Variants in TMEM117 observed in about 807,000 individuals in gnomAD.
TMEM117 encodes transmembrane protein 117.
A neutral mutation model predicts 52.4 loss-of-function variants in TMEM117; 27 were observed. That is an observed-to-expected ratio of 0.51 (90% CI 0.38 to 0.71). The LOEUF (loss-of-function observed/expected upper bound fraction) is 0.71, where lower values mean the gene tolerates loss of function less well. Ranked by LOEUF, TMEM117 falls within the 30% of genes least tolerant of loss-of-function variation. The pLI is 0.00. For missense variants in TMEM117, 556 were observed against 630.5 expected (o/e 0.88, Z 1.26); for synonymous variants, 215 against 206.3 (o/e 1.04, Z -0.36).
At chr12:43,804,657 C>A in the TMEM117 span, 1 of 923,538 alleles carries the variant, frequency 1.1e-6, no homozygotes, top group Non-Finnish European at 1.6e-6. Context: ...AATTAGAATA[C>A]AAAGAAAAAA....
At chr12:44,184,271 G>T (rs1267417266) in intron 4 of TMEM117, among the ~76,000 whole-genome samples, 2 of 152,148 alleles carry the variant, frequency 1.3e-5, no homozygotes, top group Non-Finnish European at 2.9e-5. Flanking sequence ...ACTTGAACCT[G>T]GGAGATGGAG....
At chr12:43,965,904 C>T (rs969289139) in intron 3 of TMEM117, among the ~76,000 whole-genome samples, 10 of 152,154 alleles carry the variant, frequency 6.6e-5, no homozygotes, top group Non-Finnish European at 5.9e-5. Context: ...CCCACTCCAT[C>T]TCTCCACCTG....
chr12:44,142,725 A>G (rs554749270), intron 3 of TMEM117, among the ~76,000 whole-genome samples: 36 of 152,234 alleles, frequency 2.4e-4, no homozygotes, highest in Non-Finnish European at 4.3e-4. Flanking sequence ...GGAGAGAGAA[A>G]TTTGTCACCT....
At chr12:44,059,011 A>G (rs2137948533) in intron 3 of TMEM117, among the ~76,000 whole-genome samples, 1 of 152,334 alleles carries the variant, frequency 6.6e-6, no homozygotes, top group East Asian at 1.9e-4. Context: ...ACCTTAGATC[A>G]TCAGGCATTA....
At chr12:44,289,458 G>T (rs1950675695) in intron 5 of TMEM117, among the ~76,000 whole-genome samples, 1 of 151,398 alleles carries the variant, frequency 6.6e-6, no homozygotes, top group South Asian at 2.1e-4. Flanking sequence ...ATTTTTTGAA[G>T]AACCTCCTTA....
intron 5 of TMEM117, among the ~76,000 whole-genome samples, chr12:44,224,105 C>T (rs7311714): frequency 0.11 from 16,123 of 152,106 alleles, 943 homozygotes; most frequent in Middle Eastern, 0.2. Flanking sequence ...TCATTCTCAT[C>T]CCATGTTTAC....
intron 3 of TMEM117, among the ~76,000 whole-genome samples, chr12:44,021,742 A>G (rs952831191): frequency 6.6e-6 from 1 of 152,148 alleles, no homozygotes; most frequent in African/African-American, 2.4e-5. Context: ...TGAATGCCCT[A>G]ACATAGGCAT....
At chr12:44,166,840 C>T (rs1352554987) in intron 4 of TMEM117, among the ~76,000 whole-genome samples, 1 of 152,124 alleles carries the variant, frequency 6.6e-6, no homozygotes, top group African/African-American at 2.4e-5. Context: ...CCTCTCTACC[C>T]AAATTTACAA....
chr12:43,995,451 A>G (rs1946013096), intron 3 of TMEM117, among the ~76,000 whole-genome samples: 1 of 152,200 alleles, frequency 6.6e-6, no homozygotes, highest in Admixed American at 6.5e-5. Context: ...TGTTGTTACC[A>G]GATAGATTGG....
intron 2 of TMEM117, among the ~76,000 whole-genome samples, chr12:43,931,129 G>A (rs1389919903): frequency 6.6e-6 from 1 of 152,138 alleles, no homozygotes; most frequent in Non-Finnish European, 1.5e-5. Context: ...GCTCACACAG[G>A]ACTAAGAATA....
chr12:44,311,113 A>G (rs952170425), intron 6 of TMEM117, among the ~76,000 whole-genome samples: 4 of 152,102 alleles, frequency 2.6e-5, no homozygotes, highest in African/African-American at 9.7e-5. Flanking sequence ...ACTGTTGTGT[A>G]TTTGTGGAAA....
At chr12:43,866,828 C>T (rs764782316) in intron 2 of TMEM117, among the ~76,000 whole-genome samples, 5 of 152,182 alleles carry the variant, frequency 3.3e-5, no homozygotes, top group Admixed American at 6.5e-5. Flanking sequence ...CGGTGGCTTA[C>T]GCCTGTAATC....
chr12:43,799,959 G>T, the TMEM117 span, among the ~76,000 whole-genome samples: 1 of 151,964 alleles, frequency 6.6e-6, no homozygotes, highest in Non-Finnish European at 1.5e-5. Context: ...ACTACAAAGA[G>T]GTCTACCTAT....
intron 4 of TMEM117, among the ~76,000 whole-genome samples, chr12:44,149,587 A>G (rs1192845254): frequency 6.6e-6 from 1 of 152,090 alleles, no homozygotes; most frequent in Non-Finnish European, 1.5e-5. Context: ...TGTTTGTGTT[A>G]TTTTCATTTT....
chr12:44,224,694 A>T (rs1340968362), intron 5 of TMEM117, among the ~76,000 whole-genome samples: 5 of 152,150 alleles, frequency 3.3e-5, no homozygotes, highest in African/African-American at 1.2e-4. Context: ...GTGGTCCCCC[A>T]ATCGCTTGAT....
chr12:44,381,080 T>C (rs543644961), intron 7 of TMEM117, among the ~76,000 whole-genome samples: 1 of 152,324 alleles, frequency 6.6e-6, no homozygotes, highest in African/African-American at 2.4e-5. Context: ...TTAGCTCATC[T>C]GGATCCCCCT....
chr12:44,158,827 C>T (rs1948862153), intron 4 of TMEM117, among the ~76,000 whole-genome samples: 1 of 152,114 alleles, frequency 6.6e-6, no homozygotes, highest in Non-Finnish European at 1.5e-5. Context: ...GAATTCTACA[C>T]AATAGGAAAG....
chr12:44,331,627 G>A (rs1565723598), intron 6 of TMEM117, among the ~76,000 whole-genome samples: 1 of 152,084 alleles, frequency 6.6e-6, no homozygotes, highest in Non-Finnish European at 1.5e-5. Flanking sequence ...ATAGCAGGGT[G>A]ATTGTTCATG....
intron 3 of TMEM117, among the ~76,000 whole-genome samples, chr12:43,996,437 A>G (rs1946031593): frequency 6.6e-6 from 1 of 152,040 alleles, no homozygotes; most frequent in South Asian, 2.1e-4. Flanking sequence ...AGGTCAGGAG[A>G]TCAAGACCAC....
Sources: allele counts gnomAD v4.1 joint callset (sites outside exome capture counted in the v4.1 genomes callset), GRCh38; gene constraint gnomAD v4.1.1; transcripts MANE v1.5; gene names NCBI Gene and HGNC (gene_info 2026-07-23, HGNC 2026-07-21).